Variants in CADPS2 observed in about 807,000 individuals in gnomAD.
The protein encoded by CADPS2 is calcium-dependent secretion activator 2.
CADPS2 carries 93 observed loss-of-function variants against 172.5 expected under a neutral mutation model. The ratio of observed to expected loss-of-function variants is 0.54; its 90% CI spans 0.46 to 0.64. The LOEUF (loss-of-function observed/expected upper bound fraction) is 0.64, where lower values mean the gene tolerates loss of function less well. Ranked by LOEUF, CADPS2 falls within the 30% of genes least tolerant of loss-of-function variation. CADPS2 has a pLI of 0.00. For synonymous variants in CADPS2, 546 were observed against 555.2 expected (o/e 0.98, Z 0.23); for missense variants, 1,420 against 1,565.9 (o/e 0.91, Z 1.57).
At chr7:122,432,614 C>G (rs113216094) in intron 17 of CADPS2, among the ~76,000 whole-genome samples, 439 of 143,912 alleles carry the variant, frequency 3.1e-3, no homozygotes, top group African/African-American at 0.011. Context: ...GCACTCCAGC[C>G]TGGGCAACAA....
At position 122,702,004 on chromosome 7, in the gene CADPS2, C is replaced by T. The variant is rs1309471885; in HGVS notation, c.453+34951G>A. ...AGTTGTCTTCATTTAGGTCTAATTC[C>T]TCATCCCCTTCTTTGAGAACTCGCA... is the stretch of plus-strand genomic sequence containing the variant. On this transcript the variant is annotated intron_variant, in intron 2 of 29. Transcript: ENST00000449022. The T allele has an allele frequency of 6.2e-6, 10 of 1,613,572 alleles. No homozygotes were observed. The African/African-American group carries it at 1.2e-4, about 19-fold the overall frequency.
At chr7:122,825,624 T>C (rs1412553897) in intron 1 of CADPS2, among the ~76,000 whole-genome samples, 2 of 152,216 alleles carry the variant, frequency 1.3e-5, no homozygotes, top group Non-Finnish European at 1.5e-5. Context: ...TTATTATATA[T>C]TGTTTTGACT....
intron 2 of CADPS2, among the ~76,000 whole-genome samples, chr7:122,696,004 G>A (rs1042543947): frequency 6.6e-6 from 1 of 152,178 alleles, no homozygotes; most frequent in African/African-American, 2.4e-5. Flanking sequence ...GGAACTCTAG[G>A]TGCAGGGACT....
intron 2 of CADPS2, among the ~76,000 whole-genome samples, chr7:122,683,927 G>C (rs1202552576): frequency 1.3e-5 from 2 of 151,990 alleles, no homozygotes; most frequent in African/African-American, 4.8e-5. Context: ...GTGTGTGTGA[G>C]CGTGCCCTGT....
At position 122,474,421 on chromosome 7, in the gene CADPS2, T is replaced by A. The variant is rs756568524; in HGVS notation, c.1958A>T (p.Gln653Leu). The change falls in exon 13 of 30, where the codon CAG becomes CTG. Residue 653 changes from glutamine to leucine, a missense_variant. Physicochemically the swap from Gln to Leu is moderately radical, Grantham distance 113. Coordinates refer to ENST00000449022, the MANE Select transcript of CADPS2 (RefSeq NM_017954.11). The part of the protein sequence containing the change: ...HAFLFRILQR[Q>L]TLDHRLNDSY... ...ATCATTCAGTCTGTGATCCAAAGTC[T>A]GCCTCTGGAGTATTCTAAAAAGGAA... 3 of 1,613,372 alleles carry A rather than the reference T, an allele frequency of 1.9e-6. No homozygotes were observed. In the Admixed American group the frequency reaches 5.0e-5, roughly 27 times the overall value.
At chr7:122,868,292 T>C (rs1377171173) in intron 1 of CADPS2, among the ~76,000 whole-genome samples, 1 of 152,066 alleles carries the variant, frequency 6.6e-6, no homozygotes, top group African/African-American at 2.4e-5. Flanking sequence ...CTCCCCAGGT[T>C]AAAAGTGAGC....
chr7:122,708,243 T>A (rs2087922783), intron 2 of CADPS2, among the ~76,000 whole-genome samples: 1 of 151,646 alleles, frequency 6.6e-6, no homozygotes, highest in Non-Finnish European at 1.5e-5. Flanking sequence ...ATCTACCACA[T>A]CATAGGTTCT....
At chr7:122,580,853 T>A (rs2068717240) in intron 7 of CADPS2, among the ~76,000 whole-genome samples, 1 of 152,092 alleles carries the variant, frequency 6.6e-6, no homozygotes, top group Admixed American at 6.6e-5. Flanking sequence ...ATATGTTACA[T>A]GAGAATTACC....
At chr7:122,331,932 C>T (rs908252609) in intron 28 of CADPS2, 6 of 152,176 alleles carry the variant, frequency 3.9e-5, no homozygotes, top group African/African-American at 1.4e-4. Context: ...TTGTCAATAA[C>T]ACCTTTGATG....
At position 122,325,564 on chromosome 7, in the gene CADPS2, G is replaced by A; in HGVS notation, c.3630C>T (p.Ser1210=). ...EKLFDQWYSS[S]MKVICVWLTD... The stretch of plus-strand genomic sequence containing the variant: ...TCAACCACACGCAAATGACTTTCAT[G>A]GAACTGCTGTACCATTGCTAGAAGG... Residue 1210 remains serine, a synonymous_variant, in exon 29 of 30, where the codon TCC becomes TCT. Coordinates refer to ENST00000449022, the MANE Select transcript of CADPS2 (RefSeq NM_017954.11). The A allele has an allele frequency of 6.2e-7, 1 of 1,609,586 alleles. No individual in the cohort carries two copies.
intron 4 of CADPS2, among the ~76,000 whole-genome samples, chr7:122,627,362 T>C (rs567845380): frequency 2.6e-5 from 4 of 152,340 alleles, no homozygotes; most frequent in Admixed American, 6.5e-5. Flanking sequence ...TGGAAAGCAA[T>C]TAAACCTGCT....
At chr7:122,473,361 T>C (rs1350772581) in intron 13 of CADPS2, among the ~76,000 whole-genome samples, 1 of 152,196 alleles carries the variant, frequency 6.6e-6, no homozygotes, top group South Asian at 2.1e-4. Context: ...GAGCCTACTC[T>C]GGCTTGGGAG....
intron 9 of CADPS2, among the ~76,000 whole-genome samples, 193 bp from the exon 10 acceptor site, chr7:122,491,613 G>A (rs1450987078): frequency 1.3e-5 from 2 of 151,978 alleles, no homozygotes; most frequent in Admixed American, 1.3e-4. Flanking sequence ...TGCATTTGTT[G>A]GGTCTTCTAT....
At chr7:122,836,891 T>C (rs985262412) in intron 1 of CADPS2, among the ~76,000 whole-genome samples, 9 of 152,054 alleles carry the variant, frequency 5.9e-5, no homozygotes, top group African/African-American at 2.2e-4. Flanking sequence ...TTAACAAGGA[T>C]ATCCAGGAAT....
intron 14 of CADPS2, among the ~76,000 whole-genome samples, chr7:122,455,438 T>C (rs1423991910): frequency 6.6e-6 from 1 of 151,660 alleles, no homozygotes; most frequent in Non-Finnish European, 1.5e-5. Flanking sequence ...AAATGTTTTA[T>C]TGATGGCCAC....
chr7:122,814,634 T>C (rs2140228841), intron 1 of CADPS2, among the ~76,000 whole-genome samples: 1 of 152,246 alleles, frequency 6.6e-6, no homozygotes, highest in African/African-American at 2.4e-5. Flanking sequence ...GCTTTTGTAC[T>C]ACAACAGCAG....
intron 1 of CADPS2, among the ~76,000 whole-genome samples, chr7:122,866,361 C>T (rs981872464): frequency 6.6e-6 from 1 of 152,140 alleles, no homozygotes; most frequent in Admixed American, 6.6e-5. Flanking sequence ...AATCTATTCT[C>T]AAGACTGTAC....
At chr7:122,428,657 T>C (rs1264365567) in intron 17 of CADPS2, among the ~76,000 whole-genome samples, 1 of 151,814 alleles carries the variant, frequency 6.6e-6, no homozygotes, top group East Asian at 1.9e-4. Context: ...TTAGTAGAGA[T>C]GGGGTTTCTC....
At chr7:122,376,407 A>G (rs972829299) in intron 25 of CADPS2, among the ~76,000 whole-genome samples, 2 of 152,176 alleles carry the variant, frequency 1.3e-5, no homozygotes, top group African/African-American at 4.8e-5. Flanking sequence ...AAAAGAAGGA[A>G]ATCCTGCCAC....
Sources: allele counts gnomAD v4.1 joint callset (sites outside exome capture counted in the v4.1 genomes callset), GRCh38; gene constraint gnomAD v4.1.1; transcripts MANE v1.5; gene names NCBI Gene and HGNC (gene_info 2026-07-23, HGNC 2026-07-21).